COG3: variants seen among roughly 807,000 people sequenced by gnomAD.
COG3 encodes component of oligomeric golgi complex 3.
In COG3, 32 loss-of-function variants were observed where a neutral mutation model predicts 114.1. The ratio of observed to expected loss-of-function variants is 0.28; its 90% CI spans 0.21 to 0.38. The LOEUF is 0.38. Ranked by LOEUF, COG3 falls within the 10% of genes least tolerant of loss-of-function variation. The pLI is 1.00. For synonymous variants in COG3, 352 were observed against 365.7 expected (o/e 0.96, Z 0.43); for missense variants, 813 against 973.2 (o/e 0.84, Z 2.19).
intron 21 of COG3, 113 bp from the exon 22 acceptor site, chr13:45,530,569 T>C: frequency 1.4e-6 from 1 of 697,670 alleles, no homozygotes; most frequent in East Asian, 2.6e-5. Context: ...GGTAATATCA[T>C]GAAAGATACA....
At chr13:45,465,303 A>T in intron 1 of COG3, 93 bp downstream of exon 1, 1 of 1,497,512 alleles carries the variant, frequency 6.7e-7, no homozygotes, top group Non-Finnish European at 8.9e-7. Flanking sequence ...GCCTCTGCCC[A>T]GGATATCTCT....
At chr13:45,500,659 G>A (rs1371827086) in intron 13 of COG3, among the ~76,000 whole-genome samples, 5 of 152,168 alleles carry the variant, frequency 3.3e-5, no homozygotes, top group Non-Finnish European at 1.5e-5. Flanking sequence ...TCTTCTGTTG[G>A]TATGATACAT....
chr13:45,483,520 CTA>C (rs1391738711), intron 7 of COG3, among the ~76,000 whole-genome samples, 165 bp downstream of exon 7: 3 of 152,082 alleles, frequency 2.0e-5, no homozygotes, highest in Admixed American at 6.5e-5. Flanking sequence ...GGAAAAATGA[CTA>C]TGTTATAAAT....
intron 7 of COG3, among the ~76,000 whole-genome samples, chr13:45,484,574 TTGCTTA>T (rs1476644730): frequency 3.7e-4 from 50 of 136,952 alleles, no homozygotes; most frequent in African/African-American, 1.2e-3. Context: ...CTCCCTAAGC[TTGCTTA>T]TTTATTTATT....
At chr13:45,484,553 C>T (rs1309932714) in intron 7 of COG3, among the ~76,000 whole-genome samples, 8 of 150,418 alleles carry the variant, frequency 5.3e-5, no homozygotes, top group African/African-American at 1.5e-4. Context: ...TTTAATCTTC[C>T]TGAGATTTTT....
At chr13:45,515,119 A>T (rs1181591053) in intron 16 of COG3, among the ~76,000 whole-genome samples, 1 of 152,218 alleles carries the variant, frequency 6.6e-6, no homozygotes, top group African/African-American at 2.4e-5. Context: ...TAAAATCTAT[A>T]TGATACAATT....
At chr13:45,497,679 A>G (rs1868964909) in intron 13 of COG3, among the ~76,000 whole-genome samples, 1 of 151,982 alleles carries the variant, frequency 6.6e-6, no homozygotes, top group Non-Finnish European at 1.5e-5. Flanking sequence ...CCAGCTACTC[A>G]GGAGGTTGAG....
chr13:45,496,334 TC>T, intron 13 of COG3, 22 bp downstream of exon 13: 1 of 1,531,476 alleles, frequency 6.5e-7, no homozygotes, highest in Non-Finnish European at 8.8e-7. Context: ...TTACTTGATC[TC>T]CCGTCTGCCC....
intron 4 of COG3, among the ~76,000 whole-genome samples, chr13:45,480,950 G>T (rs1222804038): frequency 6.6e-6 from 1 of 152,196 alleles, no homozygotes; most frequent in Non-Finnish European, 1.5e-5. Flanking sequence ...TTGACTTAGA[G>T]CTAGAACACT....
intron 2 of COG3, 25 bp from the exon 3 acceptor site, chr13:45,478,980 A>G (rs376530195): frequency 5.7e-6 from 9 of 1,575,758 alleles, no homozygotes; most frequent in Middle Eastern, 1.7e-4. Context: ...AGTTTTGTTC[A>G]CAATATAATA....
chr13:45,497,778 C>T (rs983622215), intron 13 of COG3, among the ~76,000 whole-genome samples: 2 of 53,250 alleles, frequency 3.8e-5, no homozygotes, highest in African/African-American at 1.2e-4. Context: ...AGAGCCAGAC[C>T]CTGTCTCAAC....
Position 45,496,175 on chromosome 13 carries a change from G to A in COG3, c.1351G>A (p.Ala451Thr), listed in dbSNP as rs1463533251. ...AGCTGAGCAACTGGGGGCATTTGCA[G>A]CTGGAGTCAAGCAGATGTTAGAAGA... Reference protein sequence around the residue: ...NNAEQLGAFAAGVKQMLEDVQ... With the variant: ...NNAEQLGAFATGVKQMLEDVQ... The change falls in exon 13 of 23, where the codon GCT becomes ACT. Residue 451 changes from alanine to threonine, a missense_variant. Physicochemically the swap from Ala to Thr is moderately conservative, Grantham distance 58. Around this residue, in one of 2 missense-constraint regions of COG3, gnomAD observed 389 missense variants for 542.6 expected, o/e 0.72. Coordinates refer to ENST00000349995, the MANE Select transcript of COG3 (RefSeq NM_031431.4). 1 of 1,609,542 alleles carries A rather than the reference G, an allele frequency of 6.2e-7. No homozygotes were observed.
At chr13:45,530,583 C>T (rs1235452848) in intron 21 of COG3, 99 bp from the exon 22 acceptor site, 1 of 757,174 alleles carries the variant, frequency 1.3e-6, no homozygotes, top group African/African-American at 1.7e-5. Context: ...AGATACATCG[C>T]TTCCACTCGC....
Position 45,491,464 on chromosome 13 carries a change from C to G in COG3, c.1021C>G (p.Leu341Val). The part of the protein sequence containing the change: ...IHQCYLDQRE[L>V]LLGPSIACTV... ...CCAGTGTTACCTTGATCAGCGGGAG[C>G]TCCTTTTGGGCCCTAGTATTGCTTG... The change falls in exon 10 of 23, where the codon CTC (leucine) becomes GTC (valine). Residue 341 changes from leucine (L) to valine (V), a missense_variant. Leu to Val is a conservative substitution (Grantham distance 32, BLOSUM62 1). Transcript: ENST00000349995. 6.2e-7 allele frequency: 1 copy of G among 1,613,660 alleles called. No individual in the cohort carries two copies. Among genetic ancestry groups the G allele is most frequent in the Non-Finnish European group, 8.5e-7 (1 of 1,179,712 alleles).
At chr13:45,504,542 A>G (rs1194676686) in intron 14 of COG3, among the ~76,000 whole-genome samples, 1 of 152,212 alleles carries the variant, frequency 6.6e-6, no homozygotes, top group Non-Finnish European at 1.5e-5. Context: ...GCAGAACTGT[A>G]GAGACTGATC....
intron 7 of COG3, among the ~76,000 whole-genome samples, chr13:45,484,652 G>T (rs1276221001): frequency 6.9e-6 from 1 of 145,262 alleles, no homozygotes; most frequent in Non-Finnish European, 1.5e-5. Flanking sequence ...TCACAGAGGG[G>T]GATTTGGCAG....
chr13:45,491,160 T>A (rs1002063440), intron 9 of COG3, among the ~76,000 whole-genome samples: 1 of 152,214 alleles, frequency 6.6e-6, no homozygotes, highest in Non-Finnish European at 1.5e-5. Flanking sequence ...TTGCTTCTTA[T>A]TTGGGCAGAT....
Position 45,496,250 on chromosome 13 carries a change from A to C in COG3, c.1426A>C (p.Ile476Leu), listed in dbSNP as rs747407038. 5 of 1,612,510 alleles carry C rather than the reference A, an allele frequency of 3.1e-6. No homozygotes were observed. Among genetic ancestry groups the C allele is most frequent in the Non-Finnish European group, 4.2e-6 (5 of 1,179,122 alleles). The change falls in exon 13 of 23, where the codon ATC becomes CTC. Residue 476 changes from isoleucine (I) to leucine (L), a missense_variant. By Grantham distance (5) the Ile-to-Leu change is conservative (BLOSUM62 2). Coordinates refer to ENST00000349995, the MANE Select transcript of COG3 (RefSeq NM_031431.4). ...YRTHIYIQTDITGYKPAPGDL... is the reference protein window; with the variant it reads ...YRTHIYIQTDLTGYKPAPGDL... The stretch of plus-strand genomic sequence containing the variant: ...AACCCACATCTATATTCAGACGGAC[A>C]TCACGGGCTATAAACCAGCTCCTGG...
At chr13:45,499,671 G>A (rs1482693053) in intron 13 of COG3, among the ~76,000 whole-genome samples, 1 of 152,204 alleles carries the variant, frequency 6.6e-6, no homozygotes, top group Non-Finnish European at 1.5e-5. Context: ...GAGAGACAGT[G>A]GCTGTTGTAA....
Sources: gnomAD v4.1 joint callset for allele counts (sites outside exome capture counted in the v4.1 genomes callset) on GRCh38, gnomAD v4.1.1 for gene constraint, gnomAD v4.1.1 regional missense constraint, MANE v1.5 for transcripts, NCBI Gene and HGNC (gene_info 2026-07-23, HGNC 2026-07-21) for gene names.